RTTN: variants seen among roughly 807,000 people sequenced by gnomAD.
RTTN encodes the protein rotatin.
Under a neutral mutation model 269.2 loss-of-function variants are expected in RTTN, and 182 were observed. That is an observed-to-expected ratio of 0.68 (90% CI 0.60 to 0.76). RTTN has a LOEUF of 0.76. Ranked by LOEUF, RTTN falls within the 30% of genes least tolerant of loss-of-function variation. The pLI, the probability that RTTN is intolerant of heterozygous loss-of-function variation, is 0.00. For missense variants in RTTN, 2,545 were observed against 2,608.6 expected (o/e 0.98, Z 0.53); for synonymous variants, 1,006 against 963.5 (o/e 1.04, Z -0.82).
intron 44 of RTTN, among the ~76,000 whole-genome samples, chr18:70,024,314 G>A (rs1714777531): frequency 6.6e-6 from 1 of 152,204 alleles, no homozygotes; most frequent in Non-Finnish European, 1.5e-5. Context: ...AGGAGCCCTA[G>A]TGATATCAAG....
chr18:70,020,117 C>G (rs56169494), intron 45 of RTTN, among the ~76,000 whole-genome samples: 4,750 of 152,162 alleles, frequency 0.031, 281 homozygotes, highest in African/African-American at 0.11. Flanking sequence ...AAGTTAAAAT[C>G]AGTGATGAGA....
intron 40 of RTTN, among the ~76,000 whole-genome samples, chr18:70,044,208 C>G (rs1013298401): frequency 1.3e-5 from 2 of 152,184 alleles, no homozygotes; most frequent in African/African-American, 4.8e-5. Context: ...ATAAGCCTTC[C>G]TTTCAACAGA....
chr18:70,081,466 C>T (rs182419373), intron 32 of RTTN, among the ~76,000 whole-genome samples: 1 of 152,242 alleles, frequency 6.6e-6, no homozygotes, highest in Non-Finnish European at 1.5e-5. Context: ...TCTATCTTTA[C>T]TAAGTAATCA....
At chr18:70,080,536 C>T (rs547581270) in intron 32 of RTTN, among the ~76,000 whole-genome samples, 1 of 152,234 alleles carries the variant, frequency 6.6e-6, no homozygotes, top group East Asian at 1.9e-4. Context: ...TAAGAATCTT[C>T]AATCCATGCT....
At chr18:70,153,308 CAT>C (rs2060588786) in intron 14 of RTTN, among the ~76,000 whole-genome samples, 1 of 151,978 alleles carries the variant, frequency 6.6e-6, no homozygotes, top group Non-Finnish European at 1.5e-5. Flanking sequence ...TACACACACA[CAT>C]ACACATACAT....
intron 28 of RTTN, among the ~76,000 whole-genome samples, chr18:70,103,952 G>A (rs1054716873): frequency 1.3e-4 from 20 of 152,150 alleles, no homozygotes; most frequent in African/African-American, 4.6e-4. Flanking sequence ...TGGTGAATCC[G>A]ACAATTATGT....
chr18:70,026,547 C>A (rs190491579), intron 43 of RTTN, among the ~76,000 whole-genome samples: 1 of 152,110 alleles, frequency 6.6e-6, no homozygotes, highest in African/African-American at 2.4e-5. Flanking sequence ...CAGAAGCAGA[C>A]GCCACTGTGC....
intron 14 of RTTN, among the ~76,000 whole-genome samples, chr18:70,158,569 G>A (rs1232955428): frequency 6.6e-6 from 1 of 152,090 alleles, no homozygotes; most frequent in African/African-American, 2.4e-5. Flanking sequence ...TAGCAACATG[G>A]CGACAGAATC....
chr18:70,024,270 T>C (rs757695846), intron 44 of RTTN, among the ~76,000 whole-genome samples: 4 of 152,218 alleles, frequency 2.6e-5, no homozygotes, highest in African/African-American at 9.6e-5. Flanking sequence ...CCACAGGCTC[T>C]TGATAAAGTG....
At chr18:70,117,256 T>C (rs2059625478) in intron 26 of RTTN, among the ~76,000 whole-genome samples, 1 of 152,106 alleles carries the variant, frequency 6.6e-6, no homozygotes, top group African/African-American at 2.4e-5. Context: ...CAAAGCAATT[T>C]ACTTGGAAAT....
chr18:70,121,424 A>G (rs2059734459), intron 26 of RTTN, 132 bp downstream of exon 26: 1 of 692,100 alleles, frequency 1.4e-6, no homozygotes, highest in South Asian at 2.3e-5. Flanking sequence ...GTTATGAGCC[A>G]TTCATTACAT....
chr18:70,127,451 AT>A lies in RTTN; in HGVS notation c.3383+50del, dbSNP rs753272778. 772 of 1,595,088 alleles carry A rather than the reference AT, an allele frequency of 4.8e-4. 2 individuals carry two copies. Among genetic ancestry groups the A allele is most frequent in the Non-Finnish European group, 6.2e-4 (721 of 1,168,570 alleles). On this transcript the variant is annotated intron_variant, in intron 25 of 48. Transcript: ENST00000640769. ...CTTCAAAGGTTAGGAGATGAACACA[AT>A]ACAATGCAATCCAGGTCTTTGAAAC...
chr18:70,142,906 T>C (rs1409581437), intron 18 of RTTN, among the ~76,000 whole-genome samples: 1 of 152,128 alleles, frequency 6.6e-6, no homozygotes, highest in East Asian at 1.9e-4. Context: ...ACACCTGTAA[T>C]CCCAGCTACT....
intron 28 of RTTN, among the ~76,000 whole-genome samples, chr18:70,106,707 A>G (rs916709482): frequency 1.3e-5 from 2 of 152,092 alleles, no homozygotes; most frequent in Admixed American, 1.3e-4. Context: ...AAAAAAAAAG[A>G]GGTTTGGATT....
chr18:70,164,852 G>A (rs1352802612), intron 14 of RTTN, among the ~76,000 whole-genome samples: 1 of 152,158 alleles, frequency 6.6e-6, no homozygotes, highest in Non-Finnish European at 1.5e-5. Context: ...AATCATGTAT[G>A]CATGGAGACA....
chr18:70,174,364 G>A (rs973421796), intron 11 of RTTN, among the ~76,000 whole-genome samples: 7 of 151,930 alleles, frequency 4.6e-5, no homozygotes, highest in East Asian at 1.9e-4. Flanking sequence ...TATCTTTTCC[G>A]TGTACTACTC....
At chr18:70,030,810 T>C in intron 41 of RTTN, 66 bp downstream of exon 41, 1 of 1,204,704 alleles carries the variant, frequency 8.3e-7, no homozygotes, top group Non-Finnish European at 1.2e-6. Flanking sequence ...AAAATTAACT[T>C]GAACAAGCAA....
At chr18:70,035,510 A>G (rs1490158417) in intron 40 of RTTN, among the ~76,000 whole-genome samples, 1 of 152,122 alleles carries the variant, frequency 6.6e-6, no homozygotes, top group East Asian at 1.9e-4. Context: ...CTAATTATAT[A>G]CATACATTGA....
At chr18:70,011,873 C>T (rs929801971) in intron 46 of RTTN, among the ~76,000 whole-genome samples, 5 of 151,576 alleles carry the variant, frequency 3.3e-5, no homozygotes, top group East Asian at 2.0e-4. Flanking sequence ...TAGAGGGCAG[C>T]GTCTGCTCAC....
Sources: allele counts gnomAD v4.1 joint callset (sites outside exome capture counted in the v4.1 genomes callset), GRCh38; gene constraint gnomAD v4.1.1; transcripts MANE v1.5; gene names NCBI Gene and HGNC (gene_info 2026-07-23, HGNC 2026-07-21).